Variants in AGBL4 observed in about 807,000 individuals in gnomAD.
The protein encoded by AGBL4 is AGBL carboxypeptidase 4.
Under a neutral mutation model 66.4 loss-of-function variants are expected in AGBL4, and 58 were observed. The ratio of observed to expected loss-of-function variants is 0.87; its 90% CI spans 0.71 to 1.09. AGBL4 has a LOEUF of 1.09. AGBL4 is among the 50% of genes least tolerant of loss of function. The pLI is 0.00. For missense variants in AGBL4, 579 were observed against 631.0 expected, an observed-to-expected ratio of 0.92 and a Z score of 0.88; for synonymous variants, 234 against 222.9, an observed-to-expected ratio of 1.05 and a Z score of -0.44.
chr1:49,687,162 A>C (rs1397947372), intron 3 of AGBL4, among the ~76,000 whole-genome samples: 2 of 152,216 alleles, frequency 1.3e-5, no homozygotes, highest in East Asian at 3.9e-4. Context: ...TTAAATTTGC[A>C]CTTTACATAT....
At chr1:48,884,691 T>C (rs1650136686) in intron 5 of AGBL4, among the ~76,000 whole-genome samples, 1 of 152,168 alleles carries the variant, frequency 6.6e-6, no homozygotes. Context: ...GCATATTATA[T>C]CCCTAAATAT....
chr1:49,738,685 C>T (rs1047634649), intron 2 of AGBL4, among the ~76,000 whole-genome samples: 3 of 152,148 alleles, frequency 2.0e-5, no homozygotes, highest in African/African-American at 4.8e-5. Flanking sequence ...CTCACACGGC[C>T]GGGTACTCCT....
At chr1:49,224,660 T>C (rs927986449) in intron 4 of AGBL4, among the ~76,000 whole-genome samples, 7 of 151,026 alleles carry the variant, frequency 4.6e-5, no homozygotes, top group African/African-American at 1.5e-4. Context: ...GCCTTAGGAT[T>C]CAGCAGTACC....
intron 11 of AGBL4, among the ~76,000 whole-genome samples, chr1:48,577,432 T>G (rs1644671981): frequency 6.6e-6 from 1 of 152,212 alleles, no homozygotes; most frequent in African/African-American, 2.4e-5. Context: ...ATAAAGAAAC[T>G]TTACAACTTT....
chr1:48,817,744 A>G, intron 6 of AGBL4: 1 of 334,590 alleles, frequency 3.0e-6, no homozygotes, highest in Non-Finnish European at 5.5e-6. Flanking sequence ...TAGCAACAGG[A>G]CTGGAAGCCC....
At chr1:49,252,212 T>C (rs1452937502) in intron 3 of AGBL4, among the ~76,000 whole-genome samples, 1 of 151,852 alleles carries the variant, frequency 6.6e-6, no homozygotes, top group Non-Finnish European at 1.5e-5. Flanking sequence ...GAAAACAACA[T>C]AACTGACCTG....
intron 3 of AGBL4, among the ~76,000 whole-genome samples, chr1:49,549,529 G>C (rs1652787956): frequency 6.6e-6 from 1 of 151,992 alleles, no homozygotes; most frequent in Non-Finnish European, 1.5e-5. Context: ...CCTTGATTTT[G>C]TTTTTGACCC....
intron 9 of AGBL4, among the ~76,000 whole-genome samples, chr1:48,601,707 C>T (rs319978): frequency 0.18 from 27,008 of 152,168 alleles, 2,490 homozygotes; most frequent in South Asian, 0.23. Flanking sequence ...ATCTTAGTTT[C>T]TCAGAAGAAG....
At chr1:49,525,292 T>C (rs112398394) in intron 3 of AGBL4, among the ~76,000 whole-genome samples, 1 of 151,966 alleles carries the variant, frequency 6.6e-6, no homozygotes, top group Non-Finnish European at 1.5e-5. Context: ...AATAGTGATA[T>C]AATAGGATTA....
chr1:49,785,647 T>C (rs1644434659), intron 2 of AGBL4, among the ~76,000 whole-genome samples: 1 of 151,904 alleles, frequency 6.6e-6, no homozygotes, highest in South Asian at 2.1e-4. Context: ...TTGCAAATTC[T>C]GTGGCCCAAA....
At chr1:48,608,962 G>T (rs72679401) in intron 9 of AGBL4, among the ~76,000 whole-genome samples, 1 of 152,072 alleles carries the variant, frequency 6.6e-6, no homozygotes, top group Admixed American at 6.6e-5. Flanking sequence ...TGAGGTTGGC[G>T]TTATGATCCT....
At chr1:49,670,490 A>G (rs1382685866) in intron 3 of AGBL4, among the ~76,000 whole-genome samples, 2 of 152,188 alleles carry the variant, frequency 1.3e-5, no homozygotes, top group Non-Finnish European at 2.9e-5. Flanking sequence ...CAGAACAGAA[A>G]TTTAAAGGGA....
Position 48,822,039 on chromosome 1 carries a change from C to G in AGBL4, c.634+45152G>C, listed in dbSNP as rs531263863. Among the ~76,000 whole-genome samples, 9 of 152,156 alleles carry G rather than the reference C, an allele frequency of 5.9e-5. No homozygotes were observed. In the South Asian group the frequency reaches 1.9e-3, roughly 32 times the overall value. On this transcript the variant is annotated intron_variant, in intron 6 of 13. Transcript: ENST00000371839. ...TACTACTAAACACTCACTGGAGTAA[C>G]AAAACTCAAAAGGAGTGACAATATC...
chr1:49,448,604 C>T (rs566886297), intron 3 of AGBL4, among the ~76,000 whole-genome samples: 2 of 152,192 alleles, frequency 1.3e-5, no homozygotes, highest in East Asian at 3.9e-4. Context: ...AATACCACAA[C>T]TGAAAATCTC....
chr1:49,657,720 T>C (rs1203790415), intron 3 of AGBL4, among the ~76,000 whole-genome samples: 2 of 152,162 alleles, frequency 1.3e-5, no homozygotes, highest in Non-Finnish European at 2.9e-5. Flanking sequence ...TACAACTATC[T>C]GATCTTTGAC....
intron 3 of AGBL4, among the ~76,000 whole-genome samples, chr1:49,496,759 T>C (rs1647620888): frequency 1.3e-5 from 2 of 152,086 alleles, no homozygotes; most frequent in Non-Finnish European, 2.9e-5. Flanking sequence ...ATTTTCTTTA[T>C]TCATTCATCG....
At chr1:49,746,432 C>T (rs1461934057) in intron 2 of AGBL4, among the ~76,000 whole-genome samples, 1 of 152,022 alleles carries the variant, frequency 6.6e-6, no homozygotes, top group South Asian at 2.1e-4. Flanking sequence ...TCTACTTTAT[C>T]AATGTCTGGT....
At chr1:49,774,569 A>G (rs1644148691) in intron 2 of AGBL4, among the ~76,000 whole-genome samples, 1 of 152,246 alleles carries the variant, frequency 6.6e-6, no homozygotes. Flanking sequence ...ATCTTTAAAA[A>G]TTAAGAGATA....
intron 1 of AGBL4, among the ~76,000 whole-genome samples, chr1:49,895,365 A>G (rs1157254328): frequency 6.6e-6 from 1 of 152,092 alleles, no homozygotes; most frequent in Non-Finnish European, 1.5e-5. Context: ...ACAGAATATT[A>G]TAACATTGGT....
Sources: allele counts gnomAD v4.1 joint callset (sites outside exome capture counted in the v4.1 genomes callset), GRCh38; gene constraint gnomAD v4.1.1; transcripts MANE v1.5; gene names NCBI Gene and HGNC (gene_info 2026-07-23, HGNC 2026-07-21).